Variants in AK8 observed in about 807,000 individuals in gnomAD.
AK8 encodes ATP-AMP transphosphorylase 8.
In AK8, 44 loss-of-function variants were observed where a neutral mutation model predicts 54.6. The observed-to-expected ratio is 0.81, with a 90% CI of 0.63 to 1.04. The LOEUF (loss-of-function observed/expected upper bound fraction) is 1.04, where lower values mean the gene tolerates loss of function less well. AK8 is among the 50% of genes least tolerant of loss of function. The probability of loss-of-function intolerance (pLI) is 0.00; values close to 1 mark genes in which losing one functional copy is unlikely to be tolerated. For synonymous variants in AK8, 239 were observed against 245.6 expected (o/e 0.97, Z 0.25); for missense variants, 555 against 613.6 (o/e 0.90, Z 1.01).
At position 132,870,118 on chromosome 9, in the gene AK8, G is replaced by C. The variant is rs552508888; in HGVS notation, c.170-3165C>G. On this transcript the variant is annotated intron_variant, in intron 2 of 12. Transcript: ENST00000298545. ...TCCACGCATTCATCTGAGAGTTCCCGGGCTGGGGGCTGCAGGGGAAACCCT... is the reference window on the plus strand; with the variant it reads ...TCCACGCATTCATCTGAGAGTTCCCCGGCTGGGGGCTGCAGGGGAAACCCT... Among the ~76,000 whole-genome samples, 24 of 152,278 alleles carry C rather than the reference G, an allele frequency of 1.6e-4. No individual in the cohort carries two copies. The East Asian group carries it at 4.4e-3, about 28-fold the overall frequency.
At chr9:132,794,875 G>C (rs1001707370) in intron 10 of AK8, among the ~76,000 whole-genome samples, 8 of 152,140 alleles carry the variant, frequency 5.3e-5, no homozygotes, top group Admixed American at 3.9e-4. Context: ...CTCTCTGAGC[G>C]TCAGCTTCCT....
At chr9:132,798,552 C>G (rs1341130905) in intron 10 of AK8, among the ~76,000 whole-genome samples, 1 of 152,188 alleles carries the variant, frequency 6.6e-6, no homozygotes, top group Admixed American at 6.5e-5. Flanking sequence ...CTGGGCTTGA[C>G]AGTTAACATC....
At position 132,782,625 on chromosome 9, in the gene AK8, G is replaced by A. The variant is rs186977847; in HGVS notation, c.1121+10009C>T. On this transcript the variant is annotated intron_variant, in intron 11 of 12. Transcript: ENST00000298545. ...AATCACTTGAATCCGGAAGGCGGAG[G>A]TTGTAGTGAGCCAAGATCGTGCCAT... Among the ~76,000 whole-genome samples, 15 of 152,062 alleles carry A rather than the reference G, an allele frequency of 9.9e-5. No individual in the cohort carries two copies. The East Asian group carries it at 1.4e-3, about 14-fold the overall frequency.
At chr9:132,814,278 CAAAAAAAAAA>C (rs71376658) in intron 10 of AK8, among the ~76,000 whole-genome samples, 824 of 63,856 alleles carry the variant, frequency 0.013, 19 homozygotes, top group Middle Eastern at 0.039. Context: ...TACCCTGTCT[CAAAAAAAAAA>C]AAAAAAAAAA....
chr9:132,875,345 T>A lies in AK8; in HGVS notation c.85-146A>T. Reference sequence around the variant, plus strand: ...GACCCAGCCACCGCCCCAGCTGGCATCTGCTTGGGTCCCCATGAGCAGAGG... The same window carrying A: ...GACCCAGCCACCGCCCCAGCTGGCAACTGCTTGGGTCCCCATGAGCAGAGG... On this transcript the variant is annotated intron_variant, in intron 1 of 12. Transcript: ENST00000298545. 2.7e-6 allele frequency: 4 copies of A among 1,475,206 alleles called. No homozygotes were observed. In the South Asian group the frequency reaches 5.5e-5, roughly 20 times the overall value. 91.4% of individuals were successfully genotyped at this position (1,475,206 alleles called of 1,614,324 possible).
At chr9:132,878,675 A>C, upstream of AK8, 1 of 989,938 alleles carries the variant, frequency 1.0e-6, no homozygotes. The surrounding 1 kb of genome is among the most constrained non-coding windows in gnomAD (Gnocchi z 4.7). Context: ...GCGGGAATAA[A>C]TGTGGGGGAG....
rs1311300952 is a variant in AK8, at chr9:132,799,861, AT to A, written c.980-7087del. 6.6e-6 allele frequency among the ~76,000 whole-genome samples: 1 copy of A among 152,034 alleles called. No individual in the cohort carries two copies. Among genetic ancestry groups the A allele is most frequent in the African/African-American group, 2.4e-5 (1 of 41,392 alleles). On this transcript the variant is annotated intron_variant, in intron 10 of 12. Transcript: ENST00000298545. This position sits in a 1 kb window ranked among gnomAD's most constrained non-coding sequence, Gnocchi z 5.0. ...GATGTCAAGATGAGCATCAGTGTTC[AT>A]GGGGGAGGCTGGCATTTGCTTCTCT...
intron 11 of AK8, among the ~76,000 whole-genome samples, chr9:132,732,201 TAAAC>T (rs1489019974): frequency 1.3e-5 from 2 of 152,192 alleles, no homozygotes; most frequent in Non-Finnish European, 2.9e-5. Flanking sequence ...TTTAAATAAT[TAAAC>T]AATGTTTTTT....
chr9:132,752,677 TGGGCCTGGCTGTCCCTGGCCCA>T (rs1258683230), intron 11 of AK8, among the ~76,000 whole-genome samples: 1 of 94,388 alleles, frequency 1.1e-5, no homozygotes, highest in Non-Finnish European at 2.1e-5. Flanking sequence ...TCTCCTGGAA[TGGGCCTGGCTGTCCCTGGCCCA>T]GGACATGGAC....
At chr9:132,870,964 G>GGCC (rs2131437505) in intron 2 of AK8, among the ~76,000 whole-genome samples, 1 of 152,356 alleles carries the variant, frequency 6.6e-6, no homozygotes, top group Non-Finnish European at 1.5e-5. Context: ...TCACCTAGGC[G>GGCC]GCCGGGTATG....
At chr9:132,756,524 T>C (rs1460110132) in intron 11 of AK8, among the ~76,000 whole-genome samples, 1 of 152,228 alleles carries the variant, frequency 6.6e-6, no homozygotes, top group Admixed American at 6.5e-5. Flanking sequence ...CCTTCTGCAC[T>C]GATAACAAAT....
intron 11 of AK8, among the ~76,000 whole-genome samples, chr9:132,772,340 A>G (rs1005812275): frequency 6.6e-6 from 1 of 152,202 alleles, no homozygotes; most frequent in Non-Finnish European, 1.5e-5. Context: ...AGAACCTCAG[A>G]AGGTGACTGT....
rs969055671 is a variant in AK8, at chr9:132,803,047, G to A, written c.980-10272C>T. Reference sequence around the variant, plus strand: ...TCATGGCAGAAGGGGAAGCAAACACGTCCTTCTTCACATAGCGGCAGCCAG... The same window carrying A: ...TCATGGCAGAAGGGGAAGCAAACACATCCTTCTTCACATAGCGGCAGCCAG... On this transcript the variant is annotated intron_variant, in intron 10 of 12. Transcript: ENST00000298545. This position sits in a 1 kb window ranked among gnomAD's most constrained non-coding sequence, Gnocchi z 4.4. Among the ~76,000 whole-genome samples, 4 of 152,156 alleles carry A rather than the reference G, an allele frequency of 2.6e-5. No individual in the cohort carries two copies. Among genetic ancestry groups the A allele is most frequent in the Non-Finnish European group, 4.4e-5 (3 of 68,040 alleles).
In AK8 at chr9:132,854,912, G is replaced by C. The variant is rs547319863; in HGVS notation, c.347C>G (p.Ala116Gly). 94 of 1,613,898 alleles carry C rather than the reference G, an allele frequency of 5.8e-5. 1 individual carries two copies. In the Admixed American group the frequency reaches 1.2e-3, roughly 20 times the overall value. ...LYLQRKTVPS[A>G]LLVQLIQERL... The stretch of plus-strand genomic sequence containing the variant: ...TTCCTGAATCAGCTGGACGAGCAGC[G>C]CGCTGGGAACTGTCTGAAGGAAAAA... The change falls in exon 5 of 13, where the codon GCG becomes GGG. Residue 116 changes from alanine (A) to glycine (G), a missense_variant. Coordinates refer to ENST00000298545, the MANE Select transcript of AK8 (RefSeq NM_152572.3).
chr9:132,849,859 C>T (rs988231754), intron 5 of AK8, among the ~76,000 whole-genome samples: 5 of 151,640 alleles, frequency 3.3e-5, no homozygotes, highest in African/African-American at 1.2e-4. Context: ...GATTCTCCTG[C>T]CTCAGCCTCC....
At chr9:132,847,623 C>A (rs1233534247) in intron 5 of AK8, among the ~76,000 whole-genome samples, 1 of 152,116 alleles carries the variant, frequency 6.6e-6, no homozygotes, top group Non-Finnish European at 1.5e-5. Flanking sequence ...GTACCACCCC[C>A]CTATATTTGA....
At chr9:132,746,865 A>C (rs1486470981) in intron 11 of AK8, among the ~76,000 whole-genome samples, 1 of 152,216 alleles carries the variant, frequency 6.6e-6, no homozygotes, top group African/African-American at 2.4e-5. Context: ...CTTGGTCTAA[A>C]ATATTTAATT....
In AK8 at chr9:132,828,012, C is replaced by T. The variant is rs1841945455; in HGVS notation, c.556+1G>A. 2 of 1,562,556 alleles carry T rather than the reference C, an allele frequency of 1.3e-6. No individual in the cohort carries two copies. Among genetic ancestry groups the T allele is most frequent in the Non-Finnish European group, 1.7e-6 (2 of 1,152,332 alleles). On this transcript the variant is annotated splice_donor_variant, in intron 7 of 12. Transcript: ENST00000298545. LOFTEE classifies it high-confidence loss of function. Reference sequence around the variant, plus strand: ...CTGGGTGGGGGTGGCCGTAGCCATACCTCCAGTTTGAGGGTCGATTCTCTT... The same window carrying T: ...CTGGGTGGGGGTGGCCGTAGCCATATCTCCAGTTTGAGGGTCGATTCTCTT...
chr9:132,725,878 C>A lies in AK8; in HGVS notation c.1250G>T (p.Arg417Leu), dbSNP rs755888977. ...KPPPTMEIQA[R>L]LLQNPKDAEE... ...AGCATCCTTTGGGTTCTGCAGGAGG[C>A]GAGCCTGGATCTCCATGGTGGGAGG... is the stretch of plus-strand genomic sequence containing the variant. Residue 417 changes from arginine (R) to leucine (L), a missense_variant, in exon 13 of 13, where the codon CGC (arginine) becomes CTC (leucine). Coordinates refer to ENST00000298545, the MANE Select transcript of AK8 (RefSeq NM_152572.3). The A allele has an allele frequency of 1.2e-6, 2 of 1,611,242 alleles. No individual in the cohort carries two copies. The highest frequency in any genetic ancestry group is 1.3e-5 in the African/African-American group (1 of 74,834).
Sources: allele counts gnomAD v4.1 joint callset (sites outside exome capture counted in the v4.1 genomes callset), GRCh38; gene constraint gnomAD v4.1.1; non-coding constraint Gnocchi (gnomAD v3.1); transcripts MANE v1.5; gene names NCBI Gene and HGNC (gene_info 2026-07-23, HGNC 2026-07-21).